Variants in LSAMP observed in about 807,000 individuals in gnomAD.
LSAMP encodes the protein limbic system associated membrane protein.
A neutral mutation model predicts 38.6 loss-of-function variants in LSAMP; 7 were observed. The observed-to-expected ratio is 0.18, with a 90% CI of 0.10 to 0.34. LSAMP has a LOEUF of 0.34. Among genes scored for constraint, LSAMP ranks in the 10% least tolerant of loss-of-function variants. The pLI, the probability that LSAMP is intolerant of heterozygous loss-of-function variation, is 1.00. For synonymous variants in LSAMP, 154 were observed against 166.8 expected (o/e 0.92, Z 0.59); for missense variants, 313 against 420.0 (o/e 0.75, Z 2.23).
intron 6 of LSAMP, among the ~76,000 whole-genome samples, chr3:115,822,790 A>G (rs1934288527): frequency 6.6e-6 from 1 of 152,214 alleles, no homozygotes; most frequent in Admixed American, 6.5e-5. Flanking sequence ...TCCCTTAGCT[A>G]GATTTGGGCC....
At chr3:116,290,513 T>C (rs2047249917) in intron 1 of LSAMP, among the ~76,000 whole-genome samples, 2 of 151,892 alleles carry the variant, frequency 1.3e-5, no homozygotes, top group African/African-American at 2.4e-5. Flanking sequence ...AGGCAGATCA[T>C]GGGGTCAGGA....
At chr3:116,231,608 A>G (rs2046403212) in intron 1 of LSAMP, among the ~76,000 whole-genome samples, 1 of 152,202 alleles carries the variant, frequency 6.6e-6, no homozygotes, top group Non-Finnish European at 1.5e-5. Context: ...CACTCACCAG[A>G]AAAACAAAAG....
chr3:116,203,772 T>G (rs1056255990), intron 1 of LSAMP, among the ~76,000 whole-genome samples: 1 of 152,144 alleles, frequency 6.6e-6, no homozygotes, highest in African/African-American at 2.4e-5. Context: ...GGTGTATATG[T>G]GCCACATTTT....
intron 1 of LSAMP, among the ~76,000 whole-genome samples, chr3:116,238,387 C>T (rs1447904660): frequency 6.6e-6 from 1 of 152,070 alleles, no homozygotes; most frequent in East Asian, 1.9e-4. Flanking sequence ...AAATAGCTGC[C>T]GTTTTGAAAA....
chr3:116,188,544 C>T (rs548150065), intron 1 of LSAMP, among the ~76,000 whole-genome samples: 6 of 152,254 alleles, frequency 3.9e-5, no homozygotes, highest in African/African-American at 1.4e-4. Context: ...CTCCCTTTAG[C>T]CTGTTTGTGG....
chr3:116,275,134 C>T (rs962272456), intron 1 of LSAMP, among the ~76,000 whole-genome samples: 28 of 152,216 alleles, frequency 1.8e-4, no homozygotes, highest in Admixed American at 1.3e-3. Context: ...CTTACTGCAA[C>T]CTTGAATTCA....
At chr3:116,116,058 T>C (rs1001426197) in intron 1 of LSAMP, among the ~76,000 whole-genome samples, 2 of 151,466 alleles carry the variant, frequency 1.3e-5, no homozygotes, top group African/African-American at 4.8e-5. Flanking sequence ...TTATTATTAA[T>C]TGGATGGTAG....
chr3:116,352,683 T>A (rs1487195503), intron 1 of LSAMP, among the ~76,000 whole-genome samples: 1 of 152,154 alleles, frequency 6.6e-6, no homozygotes, highest in African/African-American at 2.4e-5. Context: ...ATCTCGTTAA[T>A]CTTAAAAAAC....
intron 3 of LSAMP, among the ~76,000 whole-genome samples, chr3:116,010,686 A>G (rs1171185747): frequency 6.6e-6 from 1 of 152,234 alleles, no homozygotes; most frequent in African/African-American, 2.4e-5. Context: ...AACTCAAGGC[A>G]AGAAGAATCT....
intron 3 of LSAMP, among the ~76,000 whole-genome samples, chr3:116,013,317 G>A (rs1940386023): frequency 1.3e-5 from 2 of 152,164 alleles, no homozygotes. Context: ...TTTGGGTTGT[G>A]GAGGCCAGTA....
At chr3:115,955,481 G>A (rs1938426451) in intron 3 of LSAMP, among the ~76,000 whole-genome samples, 1 of 152,088 alleles carries the variant, frequency 6.6e-6, no homozygotes, top group African/African-American at 2.4e-5. Flanking sequence ...AGCACCTACT[G>A]TATGCTAGAC....
chr3:116,224,339 A>G (rs2046319434), intron 1 of LSAMP, among the ~76,000 whole-genome samples: 1 of 152,220 alleles, frequency 6.6e-6, no homozygotes, highest in African/African-American at 2.4e-5. Context: ...AACACATCCA[A>G]GAAACAGGTG....
At chr3:116,092,167 T>C (rs753232438) in intron 1 of LSAMP, among the ~76,000 whole-genome samples, 8 of 152,184 alleles carry the variant, frequency 5.3e-5, no homozygotes, top group Non-Finnish European at 7.3e-5. Context: ...CAAATTGCAT[T>C]AGGTCAATTA....
intron 3 of LSAMP, among the ~76,000 whole-genome samples, chr3:115,863,975 A>C (rs184569504): frequency 1.6e-4 from 24 of 152,282 alleles, no homozygotes; most frequent in Admixed American, 1.6e-3. Flanking sequence ...TAAAATCAGA[A>C]CAATTTTCTA....
chr3:116,092,880 G>T (rs536947624), intron 1 of LSAMP, among the ~76,000 whole-genome samples: 1 of 152,246 alleles, frequency 6.6e-6, no homozygotes, highest in African/African-American at 2.4e-5. Context: ...CTGTTCAATT[G>T]CTGCTGGACA....
At chr3:115,848,886 T>C (rs1333079524) in intron 4 of LSAMP, among the ~76,000 whole-genome samples, 24 of 151,642 alleles carry the variant, frequency 1.6e-4, no homozygotes, top group Admixed American at 1.6e-3. Context: ...AGGAAAAGAG[T>C]CCAATATTGA....
At chr3:115,854,756 A>T (rs1218758949) in intron 3 of LSAMP, among the ~76,000 whole-genome samples, 1 of 152,192 alleles carries the variant, frequency 6.6e-6, no homozygotes, top group Non-Finnish European at 1.5e-5. Context: ...TGTCATGCCA[A>T]CTATTTGATG....
chr3:116,090,217 A>C (rs2107430172), intron 1 of LSAMP, among the ~76,000 whole-genome samples: 1 of 152,100 alleles, frequency 6.6e-6, no homozygotes, highest in East Asian at 1.9e-4. Context: ...GTCTAAAAAA[A>C]AAAAAAAAGA....
chr3:116,199,158 C>G (rs1220450417), intron 1 of LSAMP, among the ~76,000 whole-genome samples: 1 of 151,110 alleles, frequency 6.6e-6, no homozygotes, highest in Non-Finnish European at 1.5e-5. Context: ...GAGATGTTTG[C>G]TTGTGATTTT....
Sources: gnomAD v4.1 joint callset for allele counts (sites outside exome capture counted in the v4.1 genomes callset) on GRCh38, gnomAD v4.1.1 for gene constraint, MANE v1.5 for transcripts, NCBI Gene and HGNC (gene_info 2026-07-23, HGNC 2026-07-21) for gene names.